STK24: variants seen among roughly 807,000 people sequenced by gnomAD.
STK24 encodes serine/threonine kinase 24.
A neutral mutation model predicts 55.6 loss-of-function variants in STK24; 21 were observed. The ratio of observed to expected loss-of-function variants is 0.38; its 90% confidence interval spans 0.27 to 0.54. The LOEUF is 0.54. Ranked by LOEUF, STK24 falls within the 20% of genes least tolerant of loss-of-function variation. STK24 has a pLI of 0.79. For synonymous variants in STK24, 200 were observed against 215.2 expected (o/e 0.93, Z 0.62); for missense variants, 383 against 538.4 (o/e 0.71, Z 2.86).
intron 3 of STK24, 132 bp downstream of exon 3, chr13:98,482,133 A>G (rs1162848471): frequency 1.5e-5 from 7 of 478,652 alleles, no homozygotes; most frequent in Non-Finnish European, 2.6e-5. Flanking sequence ...ACACGTAAGG[A>G]ATAGTTTGGT....
rs117477130 is a variant in STK24, at chr13:98,445,439, C to G, written c.*7734G>C. On this transcript the variant is annotated 3_prime_UTR_variant, in exon 11 of 11. Transcript: ENST00000539966. ...GCCCCCTAGCTGGGCTGCAGCGCAT[C>G]CTAACAATGCTCCAGGGGCTGGGCC... 6.6e-6 allele frequency: 1 copy of G among 152,228 alleles called. No individual in the cohort carries two copies. The highest frequency in any genetic ancestry group is 2.1e-4 in the South Asian group (1 of 4,832). 9.4% of individuals were successfully genotyped at this position (152,228 alleles called of 1,614,324 possible).
intron 1 of STK24, among the ~76,000 whole-genome samples, chr13:98,572,909 T>C (rs1271309563): frequency 6.6e-6 from 1 of 152,196 alleles, no homozygotes; most frequent in Non-Finnish European, 1.5e-5. Context: ...ATCAATCTAG[T>C]GTTGCAACCA....
At chr13:98,570,322 C>T (rs1897706791) in intron 1 of STK24, among the ~76,000 whole-genome samples, 1 of 152,094 alleles carries the variant, frequency 6.6e-6, no homozygotes, top group Non-Finnish European at 1.5e-5. Context: ...ACAAAACTAC[C>T]CATTAGACAT....
intron 9 of STK24, among the ~76,000 whole-genome samples, chr13:98,458,864 C>T (rs565569077): frequency 6.6e-6 from 1 of 152,340 alleles, no homozygotes; most frequent in Admixed American, 6.5e-5. Context: ...TATAATCCTT[C>T]TACTGGGCTT....
At chr13:98,558,905 C>T (rs1897341962) in intron 1 of STK24, among the ~76,000 whole-genome samples, 1 of 150,508 alleles carries the variant, frequency 6.6e-6, no homozygotes. Flanking sequence ...TGGCTCACGC[C>T]TGTAATCCCA....
chr13:98,486,234 C>T (rs1347363830), intron 2 of STK24, among the ~76,000 whole-genome samples: 6 of 151,094 alleles, frequency 4.0e-5, no homozygotes, highest in Non-Finnish European at 7.4e-5. Context: ...AAAAAGGGGA[C>T]AGAGTGAAGG....
At chr13:98,530,917 A>C (rs1413100958) in intron 1 of STK24, among the ~76,000 whole-genome samples, 2 of 152,232 alleles carry the variant, frequency 1.3e-5, no homozygotes, top group Admixed American at 1.3e-4. Flanking sequence ...AACTGAGAAT[A>C]TACGAGGTAC....
intron 2 of STK24, among the ~76,000 whole-genome samples, chr13:98,503,900 C>T (rs975866977): frequency 2.9e-4 from 44 of 152,228 alleles, no homozygotes; most frequent in Non-Finnish European, 5.3e-4. Flanking sequence ...ACTGCAGCTG[C>T]CCTGCACAGT....
chr13:98,482,109 TAAG>T (rs2139303269), intron 3 of STK24, among the ~76,000 whole-genome samples, 153 bp downstream of exon 3: 1 of 151,214 alleles, frequency 6.6e-6, no homozygotes, highest in South Asian at 2.1e-4. Flanking sequence ...TAGTGATATA[TAAG>T]AAGCAAAAAA....
intron 5 of STK24, 136 bp downstream of exon 5, chr13:98,474,685 G>T: frequency 8.8e-7 from 1 of 1,139,120 alleles, no homozygotes; most frequent in Non-Finnish European, 1.2e-6. Context: ...CATAACCAAG[G>T]TTGAAGAATT....
intron 1 of STK24, among the ~76,000 whole-genome samples, chr13:98,533,885 C>A (rs1273071549): frequency 1.3e-5 from 2 of 152,146 alleles, no homozygotes; most frequent in Non-Finnish European, 2.9e-5. Flanking sequence ...AATGCTCAGA[C>A]ACCATGGGGT....
intron 3 of STK24, among the ~76,000 whole-genome samples, chr13:98,477,493 T>C (rs1359619603): frequency 4.6e-5 from 7 of 151,914 alleles, no homozygotes; most frequent in Non-Finnish European, 1.0e-4. Context: ...GCCAACATGG[T>C]GAAACCCCAT....
intron 2 of STK24, among the ~76,000 whole-genome samples, chr13:98,517,424 G>A (rs1477230467): frequency 2.6e-5 from 4 of 152,052 alleles, no homozygotes; most frequent in African/African-American, 7.2e-5. Flanking sequence ...TCAGAAGTTC[G>A]AGACCAGCCT....
In STK24 at chr13:98,446,027, G is replaced by A. The variant is rs1255682446; in HGVS notation, c.*7146C>T. 9 of 1,035,682 alleles carry A rather than the reference G, an allele frequency of 8.7e-6. No individual in the cohort carries two copies. In the Admixed American group the frequency reaches 1.1e-4, roughly 12 times the overall value. The allele number at this position is 1,035,682 out of a possible 1,614,324, so 64.2% of individuals were successfully genotyped here. On this transcript the variant is annotated 3_prime_UTR_variant, in exon 11 of 11. Transcript: ENST00000539966. ...GCCCCAGCCCAGGGCCCTGGTGCAG[G>A]GAGAGCTGCTCTCTGTGCCCTCCTG...
chr13:98,561,076 G>A (rs559320661), intron 1 of STK24, among the ~76,000 whole-genome samples: 12 of 152,292 alleles, frequency 7.9e-5, no homozygotes, highest in African/African-American at 2.9e-4. Context: ...ACCCCAGTCT[G>A]CAGGCAGTGA....
At chr13:98,456,112 A>C (rs999336185) in intron 10 of STK24, 1 of 154,112 alleles carries the variant, frequency 6.5e-6, no homozygotes, top group African/African-American at 2.4e-5. Context: ...AGCAACTTAA[A>C]AAGTTGAAAT....
At chr13:98,457,396 CACG>C in intron 9 of STK24, 92 bp from the exon 10 acceptor site, 1 of 1,583,202 alleles carries the variant, frequency 6.3e-7, no homozygotes, top group Non-Finnish European at 8.6e-7. Context: ...GCGTGTGGAC[CACG>C]ACACTACCCC....
intron 1 of STK24, among the ~76,000 whole-genome samples, chr13:98,566,137 A>C (rs1213521267): frequency 6.6e-6 from 1 of 151,946 alleles, no homozygotes; most frequent in Non-Finnish European, 1.5e-5. Context: ...TGCCAGCCAG[A>C]AGCACGCCAG....
At chr13:98,552,247 G>A (rs1367294235) in intron 1 of STK24, among the ~76,000 whole-genome samples, 1 of 152,144 alleles carries the variant, frequency 6.6e-6, no homozygotes, top group Non-Finnish European at 1.5e-5. Context: ...GAGGCACTAT[G>A]GGGTATTTTC....
Sources: gnomAD v4.1 joint callset for allele counts (sites outside exome capture counted in the v4.1 genomes callset) on GRCh38, gnomAD v4.1.1 for gene constraint, MANE v1.5 for transcripts, NCBI Gene and HGNC (gene_info 2026-07-23, HGNC 2026-07-21) for gene names.